DNAJC3: variants seen among roughly 807,000 people sequenced by gnomAD.
DNAJC3 encodes dnaJ homolog subfamily C member 3.
A neutral mutation model predicts 68.6 loss-of-function variants in DNAJC3; 38 were observed. That is an observed-to-expected ratio of 0.55 (90% CI 0.43 to 0.73). The LOEUF is 0.73. Ranked by LOEUF, DNAJC3 falls within the 30% of genes least tolerant of loss-of-function variation. DNAJC3 has a pLI of 0.00. For synonymous variants in DNAJC3, 203 were observed against 204.0 expected (o/e 1.00, Z 0.04); for missense variants, 526 against 591.9 (o/e 0.89, Z 1.16).
chr13:95,696,750 T>C (rs1036558242), intron 1 of DNAJC3, among the ~76,000 whole-genome samples: 5 of 151,644 alleles, frequency 3.3e-5, no homozygotes, highest in African/African-American at 9.7e-5. Context: ...TTGTGTCTTG[T>C]GTTTTTTTTT....
chr13:95,729,281 CCTCCCT>C (rs1261691455), intron 4 of DNAJC3, among the ~76,000 whole-genome samples: 3 of 109,886 alleles, frequency 2.7e-5, no homozygotes, highest in African/African-American at 1.1e-4. Flanking sequence ...TCCCCCTCCC[CCTCCCT>C]CTCCTTCTCC....
At chr13:95,777,641 A>C (rs1165548882) in intron 9 of DNAJC3, among the ~76,000 whole-genome samples, 1 of 152,236 alleles carries the variant, frequency 6.6e-6, no homozygotes, top group African/African-American at 2.4e-5. Context: ...GAATCTATGA[A>C]TATATCTGAC....
At chr13:95,688,596 A>C (rs563396110) in intron 1 of DNAJC3, among the ~76,000 whole-genome samples, 111 of 151,816 alleles carry the variant, frequency 7.3e-4, no homozygotes, top group African/African-American at 2.6e-3. Flanking sequence ...GCTCACTGCA[A>C]CCTACGCCTC....
Position 95,747,649 on chromosome 13 carries a change from C to T in DNAJC3, c.394-9995C>T, listed in dbSNP as rs191713258. On this transcript the variant is annotated intron_variant, in intron 4 of 11. Transcript: ENST00000602402. ...TGAACAGTTTTTTGCTTAGCGTGAT[C>T]GACTGGTTGCTCTGAAGAATGGATT... 2.6e-3 allele frequency among the ~76,000 whole-genome samples: 401 copies of T among 152,214 alleles called. 1 individual carries two copies. Among genetic ancestry groups the T allele is most frequent in the Non-Finnish European group, 4.7e-3 (321 of 68,016 alleles).
At chr13:95,758,000 G>A (rs1025539148) in intron 5 of DNAJC3, among the ~76,000 whole-genome samples, 5 of 152,130 alleles carry the variant, frequency 3.3e-5, no homozygotes, top group Non-Finnish European at 7.3e-5. Flanking sequence ...AATGTGCTGT[G>A]GCATGAGAGT....
At chr13:95,752,717 A>T (rs1336307799) in intron 4 of DNAJC3, among the ~76,000 whole-genome samples, 1 of 152,130 alleles carries the variant, frequency 6.6e-6, no homozygotes, top group Non-Finnish European at 1.5e-5. Flanking sequence ...TTTATCTTTT[A>T]TCCATACATG....
intron 2 of DNAJC3, among the ~76,000 whole-genome samples, chr13:95,712,680 G>A (rs1881010507): frequency 6.6e-6 from 1 of 152,084 alleles, no homozygotes; most frequent in South Asian, 2.1e-4. Context: ...CCTAGCCAGT[G>A]CAATTTGTAT....
At chr13:95,737,212 A>G (rs1011853254) in intron 4 of DNAJC3, among the ~76,000 whole-genome samples, 1 of 151,626 alleles carries the variant, frequency 6.6e-6, no homozygotes, top group Non-Finnish European at 1.5e-5. Context: ...GTGCTGCTGG[A>G]TTCGTTTTGC....
chr13:95,678,531 A>G (rs1405629303), intron 1 of DNAJC3, among the ~76,000 whole-genome samples: 1 of 152,174 alleles, frequency 6.6e-6, no homozygotes, highest in African/African-American at 2.4e-5. Context: ...CCCCAGAAAA[A>G]TCTAGGGGAT....
chr13:95,745,379 A>C (rs1260790142), intron 4 of DNAJC3: 1 of 152,366 alleles, frequency 6.6e-6, no homozygotes, highest in East Asian at 1.9e-4. Flanking sequence ...ACACACGTCT[A>C]TCGTAAGAAC....
intron 4 of DNAJC3, among the ~76,000 whole-genome samples, chr13:95,729,468 G>C (rs1881644078): frequency 1.3e-5 from 2 of 151,414 alleles, no homozygotes; most frequent in Admixed American, 1.3e-4. Flanking sequence ...AGCACATTTG[G>C]TAAGATTCCA....
intron 1 of DNAJC3, among the ~76,000 whole-genome samples, chr13:95,689,930 T>C (rs377530898): frequency 1.3e-5 from 2 of 152,344 alleles, no homozygotes; most frequent in South Asian, 2.1e-4. Context: ...TGACTTCTAA[T>C]TTTATTCCAT....
At chr13:95,716,792 G>A (rs1881164037) in intron 2 of DNAJC3, among the ~76,000 whole-genome samples, 2 of 152,182 alleles carry the variant, frequency 1.3e-5, no homozygotes, top group African/African-American at 4.8e-5. Flanking sequence ...CCAGCCATTT[G>A]TATCTGTGTC....
intron 1 of DNAJC3, among the ~76,000 whole-genome samples, chr13:95,679,193 TC>T (rs1879847730): frequency 9.1e-6 from 1 of 109,542 alleles, no homozygotes; most frequent in Admixed American, 1.1e-4. Flanking sequence ...AGAAAAAAAA[TC>T]AGCACTTTTT....
rs1383131484 is a variant in DNAJC3, at chr13:95,793,204, C to CA, written c.*2175dup. ...CAGCTCTGGTGCCACATGCCAGTGCCATGGAGGGAAATGAATTCTCTGCAA... is the reference window on the plus strand; with the variant it reads ...CAGCTCTGGTGCCACATGCCAGTGCCAATGGAGGGAAATGAATTCTCTGCAA... On this transcript the variant is annotated 3_prime_UTR_variant, in exon 12 of 12. Transcript: ENST00000602402. The CA allele has an allele frequency of 6.6e-6, 1 of 152,180 alleles. No individual in the cohort carries two copies. The highest frequency in any genetic ancestry group is 1.5e-5 in the Non-Finnish European group (1 of 68,038). The allele number at this position is 152,180 out of a possible 1,614,324, so 9.4% of individuals were successfully genotyped here. A position where few individuals can be genotyped will look rare whatever the true frequency, so the allele number is the denominator to read the frequency against.
intron 1 of DNAJC3, among the ~76,000 whole-genome samples, chr13:95,704,851 G>GGTTTTTTTTTTTTTTTTTTTT (rs1880679714): frequency 1.0e-5 from 1 of 97,860 alleles, no homozygotes; most frequent in African/African-American, 6.0e-5. Flanking sequence ...GTGTGTGTGT[G>GGTTTTTTTTTTTTTTTTTTTT]TTTTTTTTTT....
chr13:95,768,599 C>T (rs372909043), intron 9 of DNAJC3, among the ~76,000 whole-genome samples: 9 of 152,264 alleles, frequency 5.9e-5, no homozygotes, highest in African/African-American at 2.2e-4. Context: ...TTTGCAGATT[C>T]TTGTGCCCTC....
intron 4 of DNAJC3, among the ~76,000 whole-genome samples, chr13:95,726,709 TA>T (rs1881536632): frequency 6.6e-6 from 1 of 152,222 alleles, no homozygotes; most frequent in Non-Finnish European, 1.5e-5. Flanking sequence ...AGGCTTGTTT[TA>T]AAGACCAGCA....
At chr13:95,726,459 T>C (rs1029073427) in intron 4 of DNAJC3, among the ~76,000 whole-genome samples, 33 of 152,244 alleles carry the variant, frequency 2.2e-4, no homozygotes, top group Middle Eastern at 3.2e-3. Flanking sequence ...GTTTTTTGGC[T>C]GCATAAATGT....
Sources: gnomAD v4.1 joint callset for allele counts (sites outside exome capture counted in the v4.1 genomes callset) on GRCh38, gnomAD v4.1.1 for gene constraint, MANE v1.5 for transcripts, NCBI Gene and HGNC (gene_info 2026-07-23, HGNC 2026-07-21) for gene names.